ITGAL: variants seen among roughly 807,000 people sequenced by gnomAD.
ITGAL encodes integrin subunit alpha L.
Under a neutral mutation model 138.4 loss-of-function variants are expected in ITGAL, and 68 were observed. The ratio of observed to expected loss-of-function variants is 0.49; its 90% confidence interval spans 0.40 to 0.60. The LOEUF (loss-of-function observed/expected upper bound fraction) is 0.60. Ranked by LOEUF, ITGAL falls within the 20% of genes least tolerant of loss-of-function variation. ITGAL has a pLI of 0.00. For synonymous variants in ITGAL, 561 were observed against 584.3 expected (o/e 0.96, Z 0.57); for missense variants, 1,256 against 1,478.6 (o/e 0.85, Z 2.47).
chr16:30,496,625 T>C, intron 15 of ITGAL, 59 bp downstream of exon 15: 1 of 1,414,918 alleles, frequency 7.1e-7, no homozygotes, highest in Non-Finnish European at 9.3e-7. Context: ...GTTTTGTTTA[T>C]ATTTTATTTT....
rs1166831957 is a variant in ITGAL at position 30,522,973 on chromosome 16, G to A, written c.*1308G>A. On this transcript the variant is annotated 3_prime_UTR_variant, in exon 31 of 31. Transcript: ENST00000356798. The surrounding 1 kb of genome is among the most constrained non-coding windows in gnomAD (Gnocchi z 4.0). ...AGGAAAAAATAAAAATAAAAAGCGG[G>A]CACGGGCCCGTGACATCCCCACCCT... 1 of 152,316 alleles carries A rather than the reference G, an allele frequency of 6.6e-6. No individual in the cohort carries two copies. The highest frequency in any genetic ancestry group is 2.4e-5 in the African/African-American group (1 of 41,424). 9.4% of individuals were successfully genotyped at this position (152,316 alleles called of 1,614,324 possible). A position where few individuals can be genotyped will look rare whatever the true frequency, so the allele number is the denominator to read the frequency against.
intron 9 of ITGAL, among the ~76,000 whole-genome samples, chr16:30,487,375 G>T (rs1427685533): frequency 1.3e-5 from 2 of 152,114 alleles, no homozygotes; most frequent in African/African-American, 4.8e-5. Context: ...TTACAGGCGT[G>T]AGCCACTGTG....
intron 30 of ITGAL, among the ~76,000 whole-genome samples, chr16:30,520,470 G>A (rs1265158534): frequency 1.3e-5 from 2 of 152,228 alleles, no homozygotes; most frequent in Non-Finnish European, 2.9e-5. Context: ...CTTTTCCACG[G>A]TCATTCAGCC....
chr16:30,479,592 A>T, intron 6 of ITGAL, 131 bp downstream of exon 6: 2 of 729,964 alleles, frequency 2.7e-6, no homozygotes, highest in Non-Finnish European at 4.4e-6. Flanking sequence ...GGGCCTCTGG[A>T]AGGGACAAGA....
intron 15 of ITGAL, chr16:30,498,752 T>C (rs2050840401): frequency 4.5e-6 from 1 of 222,054 alleles, no homozygotes; most frequent in East Asian, 9.8e-5. Context: ...TTATTTAAAG[T>C]TAGCCAGGTG....
intron 17 of ITGAL, among the ~76,000 whole-genome samples, chr16:30,500,759 C>A (rs1018750153): frequency 6.6e-6 from 1 of 152,120 alleles, no homozygotes; most frequent in Non-Finnish European, 1.5e-5. Flanking sequence ...TGGCTCAGCA[C>A]TTTGGGAGGC....
At chr16:30,520,211 A>T (rs2051232400) in intron 30 of ITGAL, among the ~76,000 whole-genome samples, 1 of 152,138 alleles carries the variant, frequency 6.6e-6, no homozygotes, top group Admixed American at 6.5e-5. Flanking sequence ...AGGCAGGTGG[A>T]TCACGTGAGC....
chr16:30,504,875 G>A (rs1446200844), intron 18 of ITGAL: 2 of 162,082 alleles, frequency 1.2e-5, no homozygotes, highest in Admixed American at 6.3e-5. Context: ...TAAAAAATTA[G>A]CCAGGCGTGG....
chr16:30,513,414 T>G (rs907474197), intron 24 of ITGAL, among the ~76,000 whole-genome samples: 2 of 151,940 alleles, frequency 1.3e-5, no homozygotes, highest in South Asian at 2.1e-4. Context: ...CACCCAGCAG[T>G]GTGTGTTGGA....
chr16:30,510,496 C>A, intron 22 of ITGAL, 25 bp downstream of exon 22: 1 of 1,380,304 alleles, frequency 7.2e-7, no homozygotes, highest in South Asian at 1.2e-5. Context: ...TCTCCAGGGA[C>A]CAAGCAGCCT....
At position 30,521,722 on chromosome 16, in the gene ITGAL, C is replaced by T. The variant is rs1387247126; in HGVS notation, c.*57C>T. On this transcript the variant is annotated 3_prime_UTR_variant, in exon 31 of 31. Transcript: ENST00000356798. ...ACTGGACTCAGGATGCCCAGGGCCA[C>T]TCTGCCTCTGCCTGCATTCTGCCGT... is the stretch of plus-strand genomic sequence containing the variant. The T allele has an allele frequency of 2.0e-6, 3 of 1,530,330 alleles. No homozygotes were observed. The highest frequency in any genetic ancestry group is 1.8e-5 in the Admixed American group (1 of 54,586). 94.8% of individuals were successfully genotyped at this position (1,530,330 alleles called of 1,614,324 possible). A position where few individuals can be genotyped will look rare whatever the true frequency, so the allele number is the denominator to read the frequency against.
intron 18 of ITGAL, among the ~76,000 whole-genome samples, 169 bp downstream of exon 18, chr16:30,504,433 G>A (rs1342880198): frequency 6.6e-6 from 1 of 152,114 alleles, no homozygotes; most frequent in Non-Finnish European, 1.5e-5. Flanking sequence ...CCAACATGGT[G>A]AAACCCCATC....
chr16:30,485,233 CTT>C (rs1398598121), intron 9 of ITGAL, among the ~76,000 whole-genome samples: 3 of 55,330 alleles, frequency 5.4e-5, no homozygotes, highest in Admixed American at 3.1e-4. Flanking sequence ...TCTCTCTTTT[CTT>C]TTTTTTTTTG....
rs937301912 is a variant in ITGAL at position 30,520,021 on chromosome 16, G to C, written c.3339+54G>C. On this transcript the variant is annotated intron_variant, in intron 30 of 30. Coordinates refer to ENST00000356798, the MANE Select transcript of ITGAL (RefSeq NM_002209.3). ...GCTGAGACAGCCAGGCTGGGGAAGG[G>C]GATCTGGTGGGAGCCAGGGAGGAGA... 31 of 1,298,372 alleles carry C rather than the reference G, an allele frequency of 2.4e-5. No individual in the cohort carries two copies. In the African/African-American group the frequency reaches 3.8e-4, roughly 16 times the overall value. The allele number at this position is 1,298,372 out of a possible 1,614,324, so 80.4% of individuals were successfully genotyped here.
chr16:30,486,628 A>C (rs1217915460), intron 9 of ITGAL, among the ~76,000 whole-genome samples: 2 of 152,144 alleles, frequency 1.3e-5, no homozygotes, highest in Admixed American at 1.3e-4. Context: ...GTGCAAGCCC[A>C]GGGGCGGGGA....
chr16:30,501,304 G>T (rs868427877), intron 17 of ITGAL, among the ~76,000 whole-genome samples: 1 of 151,880 alleles, frequency 6.6e-6, no homozygotes, highest in South Asian at 2.1e-4. Flanking sequence ...GGCTGGGCAC[G>T]GTGGTTCATA....
intron 7 of ITGAL, among the ~76,000 whole-genome samples, chr16:30,483,517 T>C (rs1262118957): frequency 6.6e-6 from 1 of 152,132 alleles, no homozygotes; most frequent in Non-Finnish European, 1.5e-5. Context: ...TAAAGAGTGG[T>C]GGCCATGTGG....
chr16:30,487,079 T>C (rs1377791646), intron 9 of ITGAL, among the ~76,000 whole-genome samples: 1 of 148,636 alleles, frequency 6.7e-6, no homozygotes, highest in Non-Finnish European at 1.5e-5. Flanking sequence ...GGAGGTGGAG[T>C]TCACAGTGAG....
chr16:30,508,838 G>A (rs892904458), intron 21 of ITGAL, among the ~76,000 whole-genome samples: 10 of 151,742 alleles, frequency 6.6e-5, no homozygotes, highest in Admixed American at 2.6e-4. Flanking sequence ...CAGCTTGGGC[G>A]ACAGAGCGAG....
Sources: gnomAD v4.1 joint callset for allele counts (sites outside exome capture counted in the v4.1 genomes callset) on GRCh38, gnomAD v4.1.1 for gene constraint, Gnocchi (gnomAD v3.1) non-coding constraint, MANE v1.5 for transcripts, NCBI Gene and HGNC (gene_info 2026-07-23, HGNC 2026-07-21) for gene names.